UBTD2: variants seen among roughly 807,000 people sequenced by gnomAD.
The protein encoded by UBTD2 is ubiquitin domain-containing protein 2.
UBTD2 carries 9 observed loss-of-function variants against 19.8 expected under a neutral mutation model. That is an observed-to-expected ratio of 0.46 (90% CI 0.27 to 0.79). The LOEUF is 0.79. Among genes scored for constraint, UBTD2 ranks in the 30% least tolerant of loss-of-function variants. The pLI is 0.14. For missense variants in UBTD2, 250 were observed against 300.4 expected (o/e 0.83, Z 1.24); for synonymous variants, 98 against 103.9 (o/e 0.94, Z 0.35).
chr5:172,273,658 A>C (rs1755547536), intron 1 of UBTD2, among the ~76,000 whole-genome samples: 1 of 151,756 alleles, frequency 6.6e-6, no homozygotes, highest in African/African-American at 2.4e-5. Flanking sequence ...ATTGATAGAA[A>C]ATTGAAAATG....
At chr5:172,274,977 C>T (rs1295339250) in intron 1 of UBTD2, among the ~76,000 whole-genome samples, 1 of 152,148 alleles carries the variant, frequency 6.6e-6, no homozygotes, top group South Asian at 2.1e-4. Context: ...TGGAGTTTGC[C>T]GTGAGCCAAG....
chr5:172,257,879 T>C (rs931795472), intron 1 of UBTD2, among the ~76,000 whole-genome samples: 3 of 152,240 alleles, frequency 2.0e-5, no homozygotes, highest in Non-Finnish European at 4.4e-5. Context: ...TTTTGTCTGT[T>C]AAGTTTCTTA....
chr5:172,248,542 C>T (rs11960881), intron 1 of UBTD2, among the ~76,000 whole-genome samples: 48,898 of 151,278 alleles, frequency 0.32, 7,978 homozygotes, highest in South Asian at 0.42. Flanking sequence ...GAGCCAAGAT[C>T]GCACCACTGC....
chr5:172,273,420 A>G (rs4386745), intron 1 of UBTD2, among the ~76,000 whole-genome samples: 110,880 of 151,668 alleles, frequency 0.73, 41,854 homozygotes, highest in African/African-American at 0.93. Context: ...GTGAAACCTC[A>G]TCTCTACTAA....
intron 1 of UBTD2, among the ~76,000 whole-genome samples, chr5:172,244,122 AT>A (rs1394592409): frequency 6.6e-6 from 1 of 152,140 alleles, no homozygotes; most frequent in Non-Finnish European, 1.5e-5. Flanking sequence ...GATTGGGGGC[AT>A]TCTACAGTCA....
At chr5:172,250,859 G>A (rs1348753515) in intron 1 of UBTD2, among the ~76,000 whole-genome samples, 1 of 141,466 alleles carries the variant, frequency 7.1e-6, no homozygotes, top group Non-Finnish European at 1.5e-5. Flanking sequence ...CCCGAGCTCA[G>A]GAAGGTCGAG....
intron 2 of UBTD2, among the ~76,000 whole-genome samples, chr5:172,216,630 G>T (rs1390714260): frequency 6.9e-6 from 1 of 145,008 alleles, no homozygotes; most frequent in Non-Finnish European, 1.5e-5. Context: ...GCCAGAGGGG[G>T]GAAAAAACAG....
intron 2 of UBTD2, among the ~76,000 whole-genome samples, chr5:172,231,167 T>A (rs944724036): frequency 6.6e-6 from 1 of 152,186 alleles, no homozygotes; most frequent in Non-Finnish European, 1.5e-5. Context: ...GGTAAAAGCA[T>A]ACAATAGCCT....
chr5:172,211,186 T>C lies in UBTD2; in HGVS notation c.*644A>G, dbSNP rs1771435949. 1 of 152,090 alleles carries C rather than the reference T, an allele frequency of 6.6e-6. No homozygotes were observed. Among genetic ancestry groups the C allele is most frequent in the South Asian group, 2.1e-4 (1 of 4,822 alleles). 9.4% of individuals were successfully genotyped at this position (152,090 alleles called of 1,614,324 possible). On this transcript the variant is annotated 3_prime_UTR_variant, in exon 3 of 3. Coordinates refer to ENST00000393792, the MANE Select transcript of UBTD2 (RefSeq NM_152277.3). ...TGTGCTGGAAGGCACCAAAATTTAG[T>C]GTGAATGTAAATAAGGAGCTCAAGA... is the stretch of plus-strand genomic sequence containing the variant.
intron 1 of UBTD2, among the ~76,000 whole-genome samples, chr5:172,253,038 T>C (rs912130006): frequency 6.6e-6 from 1 of 152,140 alleles, no homozygotes; most frequent in Non-Finnish European, 1.5e-5. Context: ...AATCTTTTGT[T>C]TTGTTTTTTG....
intron 1 of UBTD2, among the ~76,000 whole-genome samples, chr5:172,262,729 C>T (rs746671275): frequency 2.0e-5 from 3 of 151,860 alleles, no homozygotes; most frequent in Non-Finnish European, 4.4e-5. Flanking sequence ...GTAGGAGAGT[C>T]GCTTGAACCC....
intron 2 of UBTD2, among the ~76,000 whole-genome samples, chr5:172,228,687 C>T (rs910103222): frequency 6.6e-6 from 1 of 151,906 alleles, no homozygotes; most frequent in African/African-American, 2.4e-5. Flanking sequence ...CACCACTGCA[C>T]TCCAGCCTGG....
At chr5:172,216,808 A>G (rs1291918822) in intron 2 of UBTD2, among the ~76,000 whole-genome samples, 1 of 152,028 alleles carries the variant, frequency 6.6e-6, no homozygotes, top group African/African-American at 2.4e-5. Flanking sequence ...TCTACAAAAA[A>G]TACAAAAATT....
chr5:172,281,642 T>TTTA (rs1755719381), intron 1 of UBTD2, among the ~76,000 whole-genome samples: 1 of 152,066 alleles, frequency 6.6e-6, no homozygotes, highest in South Asian at 2.1e-4. Context: ...TAATTTTTTT[T>TTTA]ATATGTTAAC....
rs762886420 is a variant in UBTD2, at chr5:172,283,712, CCCG to C, written c.-50_-48del. On this transcript the variant is annotated 5_prime_UTR_variant, in exon 1 of 3. Transcript: ENST00000393792. The surrounding 1 kb of genome is among the most constrained non-coding windows in gnomAD (Gnocchi z 4.3). The stretch of plus-strand genomic sequence containing the variant: ...CGCCACCTCCGGACGCTCGTCCGGG[CCCG>C]CCGCCGCCGCCGCTGCAGCCTCCTC... 1.1e-3 allele frequency: 1,233 copies of C among 1,173,942 alleles called. No homozygotes were observed. The highest frequency in any genetic ancestry group is 2.0e-3 in the Middle Eastern group (6 of 3,020). 72.7% of individuals were successfully genotyped at this position (1,173,942 alleles called of 1,614,324 possible).
At chr5:172,218,804 A>T (rs1390114544) in intron 2 of UBTD2, among the ~76,000 whole-genome samples, 28 of 146,206 alleles carry the variant, frequency 1.9e-4, no homozygotes, top group African/African-American at 5.0e-4. Flanking sequence ...AAAATAAAAA[A>T]AAAAATAAAA....
chr5:172,249,778 A>G (rs779502703), intron 1 of UBTD2, among the ~76,000 whole-genome samples: 2 of 152,216 alleles, frequency 1.3e-5, no homozygotes, highest in Admixed American at 6.6e-5. Context: ...CCATAAGAAG[A>G]TATGTAATAT....
chr5:172,226,092 C>A lies in UBTD2; in HGVS notation c.307+8030G>T, dbSNP rs757515900. Among the ~76,000 whole-genome samples the A allele has an allele frequency of 2.0e-5, 3 of 152,092 alleles. No homozygotes were observed. The East Asian group carries it at 5.8e-4, about 29-fold the overall frequency. ...TAGCTGGGACCACAGGCGCCTGCCA[C>A]CAACCCTGGCAAATTTTTGTATTAT... On this transcript the variant is annotated intron_variant, in intron 2 of 2. Coordinates refer to ENST00000393792, the MANE Select transcript of UBTD2 (RefSeq NM_152277.3).
In UBTD2 at chr5:172,214,900, TAAAAGGCTGAGCAAACTGA is replaced by T. The variant is rs572186063; in HGVS notation, c.308-2692_308-2674del. On this transcript the variant is annotated intron_variant, in intron 2 of 2. Transcript: ENST00000393792. ...GAAGTCACCACTCCATCCTAACAAG[TAAAAGGCTGAGCAAACTGA>T]AAAATCAACAGATATTCTTAATCTG... Among the ~76,000 whole-genome samples the T allele has an allele frequency of 7.2e-5, 11 of 152,230 alleles. No homozygotes were observed. In the South Asian group the frequency reaches 2.3e-3, roughly 32 times the overall value.
Sources: gnomAD v4.1 joint callset for allele counts (sites outside exome capture counted in the v4.1 genomes callset) on GRCh38, gnomAD v4.1.1 for gene constraint, Gnocchi (gnomAD v3.1) non-coding constraint, MANE v1.5 for transcripts, NCBI Gene and HGNC (gene_info 2026-07-23, HGNC 2026-07-21) for gene names.